Variants in RFX4 observed in about 807,000 individuals in gnomAD.
RFX4 encodes the protein transcription factor RFX4.
RFX4 carries 10 observed loss-of-function variants against 95.0 expected under a neutral mutation model. That is an observed-to-expected ratio of 0.11 (90% CI 0.06 to 0.18). The LOEUF (loss-of-function observed/expected upper bound fraction) is 0.18, where lower values mean the gene tolerates loss of function less well. RFX4 is among the 10% of genes least tolerant of loss of function. The pLI is 1.00. For synonymous variants in RFX4, 321 were observed against 340.7 expected, an observed-to-expected ratio of 0.94 and a Z score of 0.64; for missense variants, 640 against 922.0, an observed-to-expected ratio of 0.69 and a Z score of 3.96.
intron 1 of RFX4, among the ~76,000 whole-genome samples, chr12:106,598,276 T>G (rs1254243462): frequency 6.6e-6 from 1 of 152,178 alleles, no homozygotes; most frequent in African/African-American, 2.4e-5. Flanking sequence ...TGAAACATTA[T>G]GGAAAATGGA....
intron 1 of RFX4, among the ~76,000 whole-genome samples, chr12:106,604,427 A>G (rs1400442092): frequency 6.6e-6 from 1 of 152,068 alleles, no homozygotes; most frequent in Non-Finnish European, 1.5e-5. Flanking sequence ...TGGCCGCTAC[A>G]GCTTCTCTTT....
chr12:106,750,159 C>T (rs576281331), intron 16 of RFX4, among the ~76,000 whole-genome samples: 1 of 152,022 alleles, frequency 6.6e-6, no homozygotes, highest in South Asian at 2.1e-4. Flanking sequence ...CATAACAAGG[C>T]CACAAGAGTG....
At chr12:106,654,453 G>A (rs1460120425) in intron 4 of RFX4, 102 bp downstream of exon 4, 7 of 1,356,350 alleles carry the variant, frequency 5.2e-6, no homozygotes, top group Non-Finnish European at 6.8e-6. Context: ...AGTTATCAAA[G>A]TACTTACTTA....
intron 13 of RFX4, among the ~76,000 whole-genome samples, chr12:106,731,498 T>C (rs1187523812): frequency 2.0e-5 from 3 of 152,200 alleles, no homozygotes; most frequent in African/African-American, 7.2e-5. Context: ...CTACTCTAAA[T>C]TGAAAAATGA....
At chr12:106,597,691 C>T (rs571112725) in intron 1 of RFX4, among the ~76,000 whole-genome samples, 1 of 152,196 alleles carries the variant, frequency 6.6e-6, no homozygotes, top group East Asian at 1.9e-4. Flanking sequence ...AACTATTATA[C>T]TGACATTAAA....
At chr12:106,639,265 C>A (rs138118815) in intron 2 of RFX4, 67 bp from the exon 3 acceptor site, 2 of 1,344,842 alleles carry the variant, frequency 1.5e-6, no homozygotes, top group South Asian at 1.3e-5. Flanking sequence ...TTGGGAGAGT[C>A]GAGAGGACTT....
intron 1 of RFX4, among the ~76,000 whole-genome samples, chr12:106,584,077 G>T (rs1240636044): frequency 6.6e-6 from 1 of 152,138 alleles, no homozygotes; most frequent in East Asian, 1.9e-4. Flanking sequence ...CTCGGCGTTG[G>T]GGTCTGCAAA....
intron 13 of RFX4, among the ~76,000 whole-genome samples, chr12:106,724,380 C>A (rs2137538963): frequency 6.6e-6 from 1 of 152,298 alleles, no homozygotes; most frequent in Non-Finnish European, 1.5e-5. Context: ...AAAGCCCATT[C>A]CTTTTTGATT....
rs189974176 is a variant in RFX4, at chr12:106,675,151, C to T, written c.316-6842C>T. On this transcript the variant is annotated intron_variant, in intron 4 of 17. Coordinates refer to ENST00000392842, the MANE Select transcript of RFX4 (RefSeq NM_213594.3). ...ACAACGTATTCTTGAAAATTACTGG[C>T]CAGGCACCGTAGTTCTGGCCTGTAA... 9.9e-5 allele frequency among the ~76,000 whole-genome samples: 15 copies of T among 152,270 alleles called. No homozygotes were observed. The East Asian group carries it at 2.3e-3, about 24-fold the overall frequency.
intron 3 of RFX4, among the ~76,000 whole-genome samples, chr12:106,647,925 G>T (rs989674345): frequency 2.0e-5 from 3 of 152,080 alleles, no homozygotes; most frequent in African/African-American, 7.2e-5. Context: ...GGTGGAGGCA[G>T]GATTCAAAGT....
chr12:106,651,627 C>T (rs1380653050), intron 3 of RFX4, among the ~76,000 whole-genome samples: 1 of 152,146 alleles, frequency 6.6e-6, no homozygotes, highest in African/African-American at 2.4e-5. Context: ...GCAAAGTTAA[C>T]TAGGACATAG....
chr12:106,708,749 T>C (rs975155924), intron 8 of RFX4, among the ~76,000 whole-genome samples: 1 of 152,230 alleles, frequency 6.6e-6, no homozygotes, highest in African/African-American at 2.4e-5. Context: ...TATTGCAACC[T>C]ACTGCCCTGC....
intron 11 of RFX4, among the ~76,000 whole-genome samples, chr12:106,716,929 G>C (rs1407873152): frequency 6.9e-6 from 1 of 144,972 alleles, no homozygotes; most frequent in East Asian, 2.1e-4. Flanking sequence ...CCCAAGTCTG[G>C]TCTCACGTCT....
intron 1 of RFX4, among the ~76,000 whole-genome samples, chr12:106,590,214 G>A (rs528998597): frequency 2.0e-5 from 3 of 152,364 alleles, no homozygotes; most frequent in Non-Finnish European, 4.4e-5. Context: ...ATGTTGCTGA[G>A]CCTCAATTTT....
intron 13 of RFX4, among the ~76,000 whole-genome samples, chr12:106,727,773 C>T (rs1457750088): frequency 1.3e-5 from 2 of 152,114 alleles, no homozygotes; most frequent in Non-Finnish European, 2.9e-5. Context: ...GTGCGCGCCA[C>T]CACACCTGGC....
chr12:106,603,760 C>T (rs1165664830), intron 1 of RFX4, among the ~76,000 whole-genome samples: 1 of 152,202 alleles, frequency 6.6e-6, no homozygotes, highest in Non-Finnish European at 1.5e-5. Context: ...TCACAGTCTG[C>T]CTTCCTTTTA....
intron 3 of RFX4, among the ~76,000 whole-genome samples, chr12:106,648,756 GC>G (rs1225204405): frequency 6.6e-6 from 1 of 151,378 alleles, no homozygotes; most frequent in Non-Finnish European, 1.5e-5. Context: ...CGATCATGCT[GC>G]CCCCATGCTA....
chr12:106,635,602 C>G (rs2040496383), intron 2 of RFX4, among the ~76,000 whole-genome samples: 1 of 152,162 alleles, frequency 6.6e-6, no homozygotes, highest in South Asian at 2.1e-4. Context: ...GGTGAGCTAC[C>G]ATGCCCGGTC....
chr12:106,657,588 G>A (rs2040984937), intron 4 of RFX4, among the ~76,000 whole-genome samples: 1 of 152,178 alleles, frequency 6.6e-6, no homozygotes, highest in African/African-American at 2.4e-5. Context: ...CTGGTCTTGT[G>A]CCTGCTTTCG....
Sources: allele counts gnomAD v4.1 joint callset (sites outside exome capture counted in the v4.1 genomes callset), GRCh38; gene constraint gnomAD v4.1.1; transcripts MANE v1.5; gene names NCBI Gene and HGNC (gene_info 2026-07-23, HGNC 2026-07-21).